Variants in TAP1 observed in about 807,000 individuals in gnomAD.
TAP1 encodes transporter 1, ATP binding cassette subfamily B member, also known as antigen peptide transporter 1.
Under a neutral mutation model 79.3 loss-of-function variants are expected in TAP1, and 56 were observed. That is an observed-to-expected ratio of 0.71 (90% CI 0.57 to 0.88). TAP1 has a LOEUF of 0.88. Among genes scored for constraint, TAP1 ranks in the 40% least tolerant of loss-of-function variants. The pLI, the probability that TAP1 is intolerant of heterozygous loss-of-function variation, is 0.00. For missense variants in TAP1, 737 were observed against 936.3 expected (o/e 0.79, Z 2.78); for synonymous variants, 355 against 401.4 (o/e 0.88, Z 1.38).
Position 32,852,413 on chromosome 6 carries a change from G to C in TAP1, c.688C>G (p.Leu230Val), listed in dbSNP as rs757711839. 2 of 1,613,068 alleles carry C rather than the reference G, an allele frequency of 1.2e-6. No individual in the cohort carries two copies. Among genetic ancestry groups the C allele is most frequent in the South Asian group, 1.1e-5 (1 of 91,084 alleles). Residue 230 changes from leucine to valine, a missense_variant, in exon 2 of 11, where the codon CTC becomes GTC. Coordinates refer to ENST00000354258, the MANE Select transcript of TAP1 (RefSeq NM_000593.6). This position sits in a 1 kb window ranked among gnomAD's most constrained non-coding sequence, Gnocchi z 4.8. ...CTGGCTATGGTGAGAATGGACATGA[G>C]AGTTAAGTTTCGAGTGAAGGTATCG... ...SADTFTRNLT[L>V]MSILTIASAV...
Position 32,853,344 on chromosome 6 carries a change from G to T in TAP1, c.293C>A (p.Pro98Gln). Residue 98 changes from proline (P) to glutamine (Q), a missense_variant, in exon 1 of 11, where the codon CCA (proline) becomes CAA (glutamine). Pro to Gln is a moderately conservative substitution (Grantham distance 76). Transcript: ENST00000354258. The surrounding 1 kb of genome is among the most constrained non-coding windows in gnomAD (Gnocchi z 8.3). ...GAQGWLAALKPLAAALGLALP... is the reference protein window; with the variant it reads ...GAQGWLAALKQLAAALGLALP... ...GGCCAAGCCCAGTGCCGCAGCTAAT[G>T]GCTTCAAAGCAGCCAGCCAGCCCTG... 6.3e-7 allele frequency: 1 copy of T among 1,584,936 alleles called. No individual in the cohort carries two copies. The highest frequency in any genetic ancestry group is 2.3e-5 in the East Asian group (1 of 43,516).
In TAP1 at chr6:32,853,657, G is replaced by T. The variant is rs1293393661; in HGVS notation, c.-21C>A. On this transcript the variant is annotated 5_prime_UTR_variant, in exon 1 of 11. Coordinates refer to ENST00000354258, the MANE Select transcript of TAP1 (RefSeq NM_000593.6). The surrounding 1 kb of genome is among the most constrained non-coding windows in gnomAD (Gnocchi z 8.3). ...GCCATTGGCACTCGGACGCCGTCCC[G>T]GTCCCGGCCGGGCCTGGGACTCTCC... 1 of 1,601,372 alleles carries T rather than the reference G, an allele frequency of 6.2e-7. No homozygotes were observed. The highest frequency in any genetic ancestry group is 8.5e-7 in the Non-Finnish European group (1 of 1,175,840).
intron 5 of TAP1, 106 bp from the exon 6 acceptor site, chr6:32,849,224 G>A: frequency 2.1e-6 from 3 of 1,420,280 alleles, no homozygotes; most frequent in Non-Finnish European, 2.9e-6. Context: ...TGTCTCCTAA[G>A]TGACATCGGC....
rs1770527519 is a variant in TAP1 at position 32,847,760 on chromosome 6, G to A, written c.1741-85C>T. ...AGATCGAAGACTCAAAATCTTTATT[G>A]AGAACATGTCACAAAATCATACTAC... On this transcript the variant is annotated intron_variant, in intron 8 of 10. Coordinates refer to ENST00000354258, the MANE Select transcript of TAP1 (RefSeq NM_000593.6). The surrounding 1 kb of genome is among the most constrained non-coding windows in gnomAD (Gnocchi z 4.7). The A allele has an allele frequency of 6.3e-7, 1 of 1,579,394 alleles. No individual in the cohort carries two copies. Among genetic ancestry groups the A allele is most frequent in the Non-Finnish European group, 8.7e-7 (1 of 1,151,196 alleles).
At chr6:32,846,150 T>C in intron 10 of TAP1, 1 of 345,306 alleles carries the variant, frequency 2.9e-6, no homozygotes, top group South Asian at 3.0e-5. Context: ...AGACCTGAAT[T>C]TGGGTCAAGG....
In TAP1 at chr6:32,849,904, T is replaced by C. The variant is rs1770681553; in HGVS notation, c.1248+416A>G. ...GATCTTCGGATCACTGGCGTAGCTC[T>C]CTTTCCAGTGCATCACAGATGTCCC... On this transcript the variant is annotated intron_variant, in intron 5 of 10. Transcript: ENST00000354258. 2.7e-5 allele frequency: 7 copies of C among 257,642 alleles called. No homozygotes were observed. The South Asian group carries it at 3.9e-4, about 14-fold the overall frequency. 16.0% of individuals were successfully genotyped at this position (257,642 alleles called of 1,614,324 possible).
rs1431870195 is a variant in TAP1 at position 32,849,389 on chromosome 6, G to A, written c.1249-271C>T. On this transcript the variant is annotated intron_variant, in intron 5 of 10. Coordinates refer to ENST00000354258, the MANE Select transcript of TAP1 (RefSeq NM_000593.6). The stretch of plus-strand genomic sequence containing the variant: ...CACAAAAGGCTTTCATTCATGTGAT[G>A]TCAGCTAATACATGAAGAGCCTTAT... 7.1e-6 allele frequency: 4 copies of A among 562,560 alleles called. No individual in the cohort carries two copies. In the East Asian group the frequency reaches 1.2e-4, roughly 17 times the overall value. 34.8% of individuals were successfully genotyped at this position (562,560 alleles called of 1,614,324 possible).
intron 5 of TAP1, 175 bp from the exon 6 acceptor site, chr6:32,849,293 A>G (rs1770641124): frequency 1.4e-6 from 1 of 719,234 alleles, no homozygotes; most frequent in South Asian, 1.6e-5. Context: ...GACTCAATGC[A>G]CATCATGCAA....
chr6:32,852,999 T>C lies in TAP1; in HGVS notation c.598+40A>G, dbSNP rs1562374736. On this transcript the variant is annotated intron_variant, in intron 1 of 10. Transcript: ENST00000354258. The surrounding 1 kb of genome is among the most constrained non-coding windows in gnomAD (Gnocchi z 4.8). Reference sequence around the variant, plus strand: ...CAATTACCTTTGATTCCTGTCCCAGTCCCCTTGTGTCCTCCCCTCTTGCCC... The same window carrying C: ...CAATTACCTTTGATTCCTGTCCCAGCCCCCTTGTGTCCTCCCCTCTTGCCC... The C allele has an allele frequency of 6.3e-7, 1 of 1,581,256 alleles. No individual in the cohort carries two copies.
rs761038649 is a variant in TAP1, at chr6:32,850,708, G to C, written c.1051-191C>G. Among the ~76,000 whole-genome samples, 1 of 152,172 alleles carries C rather than the reference G, an allele frequency of 6.6e-6. No individual in the cohort carries two copies. The highest frequency in any genetic ancestry group is 1.5e-5 in the Non-Finnish European group (1 of 68,032). On this transcript the variant is annotated intron_variant, in intron 4 of 10. Transcript: ENST00000354258. The surrounding 1 kb of genome is among the most constrained non-coding windows in gnomAD (Gnocchi z 5.5). ...AGGAAAATGACTCAGAACGGGTTGG[G>C]GATCAAATTCTTAAAGACAGATTGT...
chr6:32,852,195 A>ACG lies in TAP1; in HGVS notation c.757_758insCG (p.Met253ThrfsTer37). On this transcript the variant is annotated frameshift_variant, in exon 3 of 11. Coordinates refer to ENST00000354258, the MANE Select transcript of TAP1 (RefSeq NM_000593.6). LOFTEE classifies it high-confidence loss of function. The surrounding 1 kb of genome is among the most constrained non-coding windows in gnomAD (Gnocchi z 4.8). ...CTGCAAGTGGCTGTGCACGTGGCCC[A>ACG]TGGTGTTGTTATAGATCCCGTCACC... 1.2e-6 allele frequency: 2 copies of ACG among 1,612,970 alleles called. No individual in the cohort carries two copies. The highest frequency in any genetic ancestry group is 1.7e-6 in the Non-Finnish European group (2 of 1,179,988).
At chr6:32,848,155 G>C in intron 7 of TAP1, 63 bp from the exon 8 acceptor site, 1 of 1,540,046 alleles carries the variant, frequency 6.5e-7, no homozygotes, top group Non-Finnish European at 8.8e-7. Context: ...GAGTGTCATT[G>C]CCTTGTTACA....
intron 7 of TAP1, 173 bp from the exon 8 acceptor site, chr6:32,848,265 G>A: frequency 2.4e-6 from 2 of 843,374 alleles, no homozygotes; most frequent in Non-Finnish European, 3.8e-6. Context: ...AAGGAGTAGA[G>A]ATAGAAGAAG....
At chr6:32,849,287 C>A (rs1770640427) in intron 5 of TAP1, 169 bp from the exon 6 acceptor site, 2 of 737,426 alleles carry the variant, frequency 2.7e-6, no homozygotes, top group Non-Finnish European at 4.6e-6. Flanking sequence ...GAGTCTGACT[C>A]AATGCACATC....
intron 6 of TAP1, 52 bp from the exon 7 acceptor site, chr6:32,848,892 T>A (rs1170554519): frequency 6.2e-7 from 1 of 1,612,986 alleles, no homozygotes; most frequent in South Asian, 1.1e-5. Context: ...GCCAGCATTA[T>A]GTGAAGCAAG....
In TAP1 at chr6:32,847,715, AT is replaced by A. The variant is rs1380422710; in HGVS notation, c.1741-41del. On this transcript the variant is annotated intron_variant, in intron 8 of 10. Coordinates refer to ENST00000354258, the MANE Select transcript of TAP1 (RefSeq NM_000593.6). The surrounding 1 kb of genome is among the most constrained non-coding windows in gnomAD (Gnocchi z 4.7). ...GATGAAGAGTCATAGAACAAGGCAC[AT>A]GGGAGTATGGTTATCTAGAGATCGA... is the stretch of plus-strand genomic sequence containing the variant. 1.2e-6 allele frequency: 2 copies of A among 1,608,762 alleles called. No homozygotes were observed. The highest frequency in any genetic ancestry group is 8.5e-7 in the Non-Finnish European group (1 of 1,176,196).
chr6:32,850,923 G>A lies in TAP1; in HGVS notation c.1050+21C>T, dbSNP rs370368355. The A allele has an allele frequency of 1.5e-5, 24 of 1,601,812 alleles. No homozygotes were observed. Among genetic ancestry groups the A allele is most frequent in the Middle Eastern group, 2.0e-4 (1 of 5,040 alleles). On this transcript the variant is annotated intron_variant, in intron 4 of 10. Transcript: ENST00000354258. The surrounding 1 kb of genome is among the most constrained non-coding windows in gnomAD (Gnocchi z 5.5). ...TGGGAGATGAGGGTCTGTGTAGAGC[G>A]GGCCAACTCCATGAACATACCTGGT...
intron 6 of TAP1, 53 bp from the exon 7 acceptor site, chr6:32,848,893 G>C: frequency 6.2e-7 from 1 of 1,612,910 alleles, no homozygotes; most frequent in Non-Finnish European, 8.5e-7. Context: ...CCAGCATTAT[G>C]TGAAGCAAGA....
chr6:32,847,307 G>A lies in TAP1; in HGVS notation c.1904-103C>T. Reference sequence around the variant, plus strand: ...GCATTCACGCACTCACACACACCAAGATCTGACGGTTGTAGCTGGATAGGG... The same window carrying A: ...GCATTCACGCACTCACACACACCAAAATCTGACGGTTGTAGCTGGATAGGG... On this transcript the variant is annotated intron_variant, in intron 9 of 10. Transcript: ENST00000354258. This position sits in a 1 kb window ranked among gnomAD's most constrained non-coding sequence, Gnocchi z 4.7. 1 of 1,556,040 alleles carries A rather than the reference G, an allele frequency of 6.4e-7. No homozygotes were observed. The highest frequency in any genetic ancestry group is 8.8e-7 in the Non-Finnish European group (1 of 1,141,040).
Sources: allele counts gnomAD v4.1 joint callset (sites outside exome capture counted in the v4.1 genomes callset), GRCh38; gene constraint gnomAD v4.1.1; non-coding constraint Gnocchi (gnomAD v3.1); transcripts MANE v1.5; gene names NCBI Gene and HGNC (gene_info 2026-07-23, HGNC 2026-07-21).